KRT20: variants seen among roughly 807,000 people sequenced by gnomAD.
The protein encoded by KRT20 is keratin, type I cytoskeletal 20.
In KRT20, 41 loss-of-function variants were observed where a neutral mutation model predicts 43.0. The observed-to-expected ratio is 0.95, with a 90% CI of 0.74 to 1.24. The LOEUF is 1.24. Ranked by LOEUF, KRT20 falls within the 50% of genes most tolerant of loss-of-function variation. The probability of loss-of-function intolerance (pLI) is 0.00; values close to 1 mark genes in which losing one functional copy is unlikely to be tolerated. For missense variants in KRT20, 533 were observed against 521.2 expected (o/e 1.02, Z -0.22); for synonymous variants, 207 against 200.6 (o/e 1.03, Z -0.27).
Position 40,878,350 on chromosome 17 carries a change from G to A in KRT20, c.934C>T (p.His312Tyr), listed in dbSNP as rs1216904197. ...SHLSMKESLE[H>Y]TLEETKARYS... ...CGGGCCTTGGTCTCCTCTAGAGTGT[G>A]CTCCAAAGACTCTTTCTATGAGCAC... is the stretch of plus-strand genomic sequence containing the variant. Residue 312 changes from histidine (H) to tyrosine (Y), a missense_variant, in exon 6 of 8, where the codon CAC becomes TAC. His to Tyr is a moderately conservative substitution (Grantham distance 83). Coordinates refer to ENST00000167588, the MANE Select transcript of KRT20 (RefSeq NM_019010.3). 3 of 1,613,770 alleles carry A rather than the reference G, an allele frequency of 1.9e-6. No individual in the cohort carries two copies. The Middle Eastern group carries it at 5.0e-4, about 267-fold the overall frequency.
intron 5 of KRT20, 75 bp from the exon 6 acceptor site, chr17:40,878,440 T>G: frequency 1.8e-6 from 2 of 1,081,330 alleles, no homozygotes; most frequent in East Asian, 4.9e-5. Flanking sequence ...TTAATTTCCT[T>G]TGAGAAGGGT....
At chr17:40,879,382 G>T (rs1318950705) in intron 5 of KRT20, among the ~76,000 whole-genome samples, 1 of 152,146 alleles carries the variant, frequency 6.6e-6, no homozygotes, top group Non-Finnish European at 1.5e-5. Context: ...GGGAATAGCA[G>T]ACATGGGGGC....
Position 40,878,256 on chromosome 17 carries a change from C to A in KRT20, c.1028G>T (p.Arg343Leu). Residue 343 changes from arginine to leucine, a missense_variant, in exon 6 of 8, where the codon CGG (arginine) becomes CTG (leucine). By Grantham distance (102) the Arg-to-Leu change is moderately radical (BLOSUM62 -2). Transcript: ENST00000167588. ...SSLEAQLMQIRSNMERQNNEY... is the reference protein window; with the variant it reads ...SSLEAQLMQILSNMERQNNEY... ...GTTGTTCTGGCGTTCCATGTTACTC[C>A]GAATCTGCATCAGTTGGGCCTCCAG... The A allele has an allele frequency of 1.9e-6, 3 of 1,613,940 alleles. No individual in the cohort carries two copies. Among genetic ancestry groups the A allele is most frequent in the Non-Finnish European group, 2.5e-6 (3 of 1,180,010 alleles).
At chr17:40,881,531 G>A (rs1050317295) in intron 2 of KRT20, among the ~76,000 whole-genome samples, 13 of 151,878 alleles carry the variant, frequency 8.6e-5, no homozygotes, top group African/African-American at 2.9e-4. Context: ...GGGATTACAG[G>A]CGTTAGCCAT....
At chr17:40,882,474 G>T in intron 2 of KRT20, 98 bp downstream of exon 2, 1 of 508,152 alleles carries the variant, frequency 2.0e-6, no homozygotes, top group Non-Finnish European at 3.4e-6. Context: ...ATTGAACCGT[G>T]CTTCCTTTAT....
rs571057072 is a variant in KRT20 at position 40,876,652 on chromosome 17, C to A, written c.1178-194G>T. Among the ~76,000 whole-genome samples the A allele has an allele frequency of 5.3e-5, 8 of 152,182 alleles. No homozygotes were observed. In the South Asian group the frequency reaches 1.7e-3, roughly 32 times the overall value. On this transcript the variant is annotated intron_variant, in intron 7 of 7. Transcript: ENST00000167588. ...GAAAATGTGCTTCTCCCCAAATTTA[C>A]AAATGTCCTACTCTTAAAAATTCAA... is the stretch of plus-strand genomic sequence containing the variant.
chr17:40,883,544 T>C (rs1431773428), intron 1 of KRT20, among the ~76,000 whole-genome samples: 1 of 152,236 alleles, frequency 6.6e-6, no homozygotes. Context: ...CATTCAGTAT[T>C]GGCTGAATGA....
chr17:40,880,443 A>G (rs1037074473), intron 3 of KRT20, among the ~76,000 whole-genome samples, 171 bp downstream of exon 3: 2 of 152,192 alleles, frequency 1.3e-5, no homozygotes, highest in Non-Finnish European at 2.9e-5. Context: ...TTAACTTACA[A>G]CAACATTATG....
chr17:40,881,329 G>C (rs1325992011), intron 2 of KRT20, among the ~76,000 whole-genome samples: 1 of 151,806 alleles, frequency 6.6e-6, no homozygotes, highest in Non-Finnish European at 1.5e-5. Context: ...GCTCACTGCA[G>C]CCTCAACCTT....
rs557073421 is a variant in KRT20 at position 40,880,861 on chromosome 17, G to T, written c.474-91C>A. 4.8e-4 allele frequency: 459 copies of T among 947,660 alleles called. 3 individuals are homozygous for T. In the South Asian group the frequency reaches 6.5e-3, roughly 13 times the overall value. 58.7% of individuals were successfully genotyped at this position (947,660 alleles called of 1,614,324 possible). A position where few individuals can be genotyped will look rare whatever the true frequency, so the allele number is the denominator to read the frequency against. ...TATAATGGGATAGGTTTTTAAATGTGGCTTATGAGGAGATCAATTTCAATA... is the reference window on the plus strand; with the variant it reads ...TATAATGGGATAGGTTTTTAAATGTTGCTTATGAGGAGATCAATTTCAATA... On this transcript the variant is annotated intron_variant, in intron 2 of 7. Coordinates refer to ENST00000167588, the MANE Select transcript of KRT20 (RefSeq NM_019010.3).
intron 5 of KRT20, among the ~76,000 whole-genome samples, chr17:40,879,511 A>G (rs999474731): frequency 6.6e-6 from 1 of 152,106 alleles, no homozygotes; most frequent in African/African-American, 2.4e-5. Flanking sequence ...ACACAAGTTT[A>G]ACTACATCAT....
In KRT20 at chr17:40,878,248, T is replaced by C. The variant is rs1468635872; in HGVS notation, c.1036A>G (p.Met346Val). ...TGGTATTCGTTGTTCTGGCGTTCCA[T>C]GTTACTCCGAATCTGCATCAGTTGG... The part of the protein sequence containing the change: ...EAQLMQIRSN[M>V]ERQNNEYHIL... The change falls in exon 6 of 8, where the codon ATG (methionine) becomes GTG (valine). Residue 346 changes from methionine (M) to valine (V), a missense_variant. By Grantham distance (21) the Met-to-Val change is conservative (BLOSUM62 1). Coordinates refer to ENST00000167588, the MANE Select transcript of KRT20 (RefSeq NM_019010.3). 4 of 1,614,168 alleles carry C rather than the reference T, an allele frequency of 2.5e-6. No individual in the cohort carries two copies. Among genetic ancestry groups the C allele is most frequent in the Non-Finnish European group, 2.5e-6 (3 of 1,180,032 alleles).
chr17:40,884,739 C>T (rs1907729701), intron 1 of KRT20, 57 bp downstream of exon 1: 3 of 1,549,266 alleles, frequency 1.9e-6, no homozygotes, highest in Non-Finnish European at 2.6e-6. Context: ...CATAGATAAC[C>T]TCTTGATTTA....
intron 4 of KRT20, 76 bp from the exon 5 acceptor site, chr17:40,880,014 A>G: frequency 6.3e-7 from 1 of 1,596,426 alleles, no homozygotes; most frequent in South Asian, 1.1e-5. Flanking sequence ...GAAAGGAAGA[A>G]TGAACAAATG....
rs542158119 is a variant in KRT20, at chr17:40,876,768, C to T, written c.1178-310G>A. Among the ~76,000 whole-genome samples the T allele has an allele frequency of 5.9e-5, 9 of 152,278 alleles. No homozygotes were observed. The South Asian group carries it at 1.7e-3, about 28-fold the overall frequency. On this transcript the variant is annotated intron_variant, in intron 7 of 7. Coordinates refer to ENST00000167588, the MANE Select transcript of KRT20 (RefSeq NM_019010.3). ...AGGATGTTTCAAGATAGCAATAGCA[C>T]AGGCCAAGAAAATCACCCCATTCTG...
In KRT20 at chr17:40,885,003, G is replaced by A. The variant is rs749263040; in HGVS notation, c.183C>T (p.Gly61=). 1 of 1,614,206 alleles carries A rather than the reference G, an allele frequency of 6.2e-7. No individual in the cohort carries two copies. The highest frequency in any genetic ancestry group is 8.5e-7 in the Non-Finnish European group (1 of 1,180,044). The change falls in exon 1 of 8, where the codon GGC becomes GGT. Residue 61 remains glycine, a synonymous_variant. Coordinates refer to ENST00000167588, the MANE Select transcript of KRT20 (RefSeq NM_019010.3). Reference sequence around the variant, plus strand: ...CATTGCCAACAAACAGGTCCCCGCCGCCTGTGAGATCGCTCCCATAGTTCA... The same window carrying A: ...CATTGCCAACAAACAGGTCCCCGCCACCTGTGAGATCGCTCCCATAGTTCA... ...HTVNYGSDLT[G]GGDLFVGNEK... is the part of the protein sequence containing the mutation.
rs1907396509 is a variant in KRT20 at position 40,877,405 on chromosome 17, A to G, written c.1152T>C (p.Tyr384=). 1 of 1,519,472 alleles carries G rather than the reference A, an allele frequency of 6.6e-7. No homozygotes were observed. The highest frequency in any genetic ancestry group is 1.7e-4 in the Middle Eastern group (1 of 5,788). The allele number at this position is 1,519,472 out of a possible 1,614,324, so 94.1% of individuals were successfully genotyped here. A position where few individuals can be genotyped will look rare whatever the true frequency, so the allele number is the denominator to read the frequency against. Residue 384 remains tyrosine, a synonymous_variant, in exon 7 of 8, where the codon TAT becomes TAC. Coordinates refer to ENST00000167588, the MANE Select transcript of KRT20 (RefSeq NM_019010.3). ...LEGEDVKTTE[Y]QLSTLEERDI... ...CTCTCTCTTCCAGGGTGCTTAACTG[A>G]TATTCTGTAGTTCTGTTTTTTTTTT...
intron 2 of KRT20, among the ~76,000 whole-genome samples, chr17:40,882,303 T>A (rs1271958029): frequency 6.6e-6 from 1 of 151,744 alleles, no homozygotes; most frequent in Non-Finnish European, 1.5e-5. Flanking sequence ...ACCAGGTTAC[T>A]AAAAAAAAAT....
Position 40,880,728 on chromosome 17 carries a change from A to G in KRT20, c.516T>C (p.Asp172=), listed in dbSNP as rs1387310314. The change falls in exon 3 of 8, where the codon GAT becomes GAC. Residue 172 remains aspartate (D), a synonymous_variant. Transcript: ENST00000167588. ...CAAAGACCTTATTCAGGCCTTGGAG[A>G]TCAGCTTCCACTGTTAGACGTATTC... The part of the protein sequence containing the change: ...ERGIRLTVEA[D]LQGLNKVFDD... The G allele has an allele frequency of 6.3e-7, 1 of 1,593,620 alleles. No homozygotes were observed.
Sources: allele counts gnomAD v4.1 joint callset (sites outside exome capture counted in the v4.1 genomes callset), GRCh38; gene constraint gnomAD v4.1.1; transcripts MANE v1.5; gene names NCBI Gene and HGNC (gene_info 2026-07-23, HGNC 2026-07-21).